The following DLG2 variants were observed in gnomAD, a reference collection of about 807,000 sequenced individuals.
DLG2 encodes discs large MAGUK scaffold protein 2.
Under a neutral mutation model 132.5 loss-of-function variants are expected in DLG2, and 45 were observed. The observed-to-expected ratio is 0.34, with a 90% CI of 0.27 to 0.44. The LOEUF (loss-of-function observed/expected upper bound fraction) is 0.44, where lower values mean the gene tolerates loss of function less well. Among genes scored for constraint, DLG2 ranks in the 20% least tolerant of loss-of-function variants. The pLI is 1.00. For missense variants in DLG2, 1,045 were observed against 1,196.9 expected, an observed-to-expected ratio of 0.87 and a Z score of 1.87; for synonymous variants, 424 against 419.6, an observed-to-expected ratio of 1.01 and a Z score of -0.13.
At chr11:84,550,280 T>C (rs2099399376) in intron 6 of DLG2, among the ~76,000 whole-genome samples, 1 of 152,136 alleles carries the variant, frequency 6.6e-6, no homozygotes, top group Admixed American at 6.6e-5. Context: ...TTTCTGAAGG[T>C]GGTAAAATGA....
chr11:83,903,872 C>A (rs959485755), intron 15 of DLG2, among the ~76,000 whole-genome samples: 1 of 152,088 alleles, frequency 6.6e-6, no homozygotes, highest in African/African-American at 2.4e-5. Flanking sequence ...AGATTGGATG[C>A]CTGAAACTGC....
chr11:84,278,368 G>A (rs2097807120), intron 7 of DLG2, among the ~76,000 whole-genome samples: 1 of 151,944 alleles, frequency 6.6e-6, no homozygotes, highest in African/African-American at 2.4e-5. Flanking sequence ...AGGCCCAGAT[G>A]GCTTCACTGA....
intron 3 of DLG2, among the ~76,000 whole-genome samples, chr11:85,553,018 A>G (rs1051439652): frequency 6.6e-6 from 1 of 151,808 alleles, no homozygotes; most frequent in African/African-American, 2.4e-5. Flanking sequence ...GCAACCTCAG[A>G]GAAATGATAC....
intron 14 of DLG2, among the ~76,000 whole-genome samples, chr11:83,951,829 A>C (rs1227489953): frequency 1.3e-5 from 2 of 152,196 alleles, no homozygotes; most frequent in African/African-American, 2.4e-5. Context: ...GCAAAAATGG[A>C]AGCTGTTTAG....
chr11:83,689,929 AAATATAT>A (rs988406709), intron 18 of DLG2, among the ~76,000 whole-genome samples: 2 of 142,548 alleles, frequency 1.4e-5, no homozygotes, highest in Admixed American at 7.2e-5. Context: ...ATATTTACAT[AAATATAT>A]AATATATATT....
chr11:84,580,055 A>C (rs952245956), intron 6 of DLG2, among the ~76,000 whole-genome samples: 7 of 152,174 alleles, frequency 4.6e-5, no homozygotes, highest in African/African-American at 1.7e-4. Context: ...ATCCTGTAGA[A>C]TATGTCTTGT....
chr11:83,605,003 A>AAGACAGAGAG (rs2059117975), intron 19 of DLG2, among the ~76,000 whole-genome samples: 2 of 79,956 alleles, frequency 2.5e-5, no homozygotes, highest in Admixed American at 2.0e-4. Flanking sequence ...CCAGTTTTCA[A>AAGACAGAGAG]AGACAGAGAG....
intron 6 of DLG2, among the ~76,000 whole-genome samples, chr11:84,644,469 G>A (rs1221957522): frequency 6.6e-6 from 1 of 152,086 alleles, no homozygotes; most frequent in Admixed American, 6.6e-5. Context: ...CACTTTAGGG[G>A]ACAGAGGCGG....
chr11:85,246,908 G>C (rs941855802), intron 4 of DLG2, among the ~76,000 whole-genome samples: 1 of 152,080 alleles, frequency 6.6e-6, no homozygotes, highest in African/African-American at 2.4e-5. Context: ...TATAATTTAA[G>C]AGCATTGCTG....
intron 3 of DLG2, among the ~76,000 whole-genome samples, chr11:85,464,914 A>G (rs1352962022): frequency 6.6e-6 from 1 of 151,230 alleles, no homozygotes; most frequent in Non-Finnish European, 1.5e-5. Context: ...CTCTACTAAA[A>G]ATACAAAAAA....
chr11:83,579,264 T>C (rs1462096909), intron 19 of DLG2, among the ~76,000 whole-genome samples: 3 of 152,248 alleles, frequency 2.0e-5, no homozygotes, highest in Non-Finnish European at 4.4e-5. Context: ...TAATTTCAAG[T>C]ATGAAAATAA....
intron 9 of DLG2, among the ~76,000 whole-genome samples, chr11:84,141,113 T>C (rs2094825385): frequency 6.6e-6 from 1 of 152,162 alleles, no homozygotes; most frequent in South Asian, 2.1e-4. Flanking sequence ...TTATACTTAC[T>C]GTTACACTGC....
chr11:85,165,261 T>C (rs886333237), intron 4 of DLG2, among the ~76,000 whole-genome samples: 11 of 152,162 alleles, frequency 7.2e-5, no homozygotes, highest in Non-Finnish European at 1.0e-4. Context: ...TTATGTGAAA[T>C]AGCTTGACTT....
chr11:85,503,593 T>G (rs1163516388), intron 3 of DLG2, among the ~76,000 whole-genome samples: 1 of 152,048 alleles, frequency 6.6e-6, no homozygotes, highest in African/African-American at 2.4e-5. Flanking sequence ...ATCCTATTCA[T>G]AGATTAATGG....
intron 6 of DLG2, among the ~76,000 whole-genome samples, chr11:85,107,449 T>G (rs573854966): frequency 6.6e-6 from 1 of 152,062 alleles, no homozygotes. Context: ...ATAGCCATAC[T>G]GAGTGGTTCA....
At chr11:85,168,800 T>C (rs1476056592) in intron 4 of DLG2, among the ~76,000 whole-genome samples, 1 of 152,198 alleles carries the variant, frequency 6.6e-6, no homozygotes, top group African/African-American at 2.4e-5. Flanking sequence ...TGGTCTTATC[T>C]AGTACCAGGT....
At chr11:84,453,606 T>C (rs2099057468) in intron 7 of DLG2, among the ~76,000 whole-genome samples, 1 of 151,718 alleles carries the variant, frequency 6.6e-6, no homozygotes, top group African/African-American at 2.4e-5. Flanking sequence ...CTAACATTTA[T>C]CAAGTTTTAA....
chr11:84,555,710 A>G lies in DLG2; in HGVS notation c.358-20979T>C, dbSNP rs528182155. Among the ~76,000 whole-genome samples the G allele has an allele frequency of 9.3e-4, 141 of 152,338 alleles. 1 individual carries two copies. The highest frequency in any genetic ancestry group is 3.2e-3 in the African/African-American group (134 of 41,570). On this transcript the variant is annotated intron_variant, in intron 6 of 27. Coordinates refer to ENST00000376104, the MANE Select transcript of DLG2 (RefSeq NM_001142699.3). Reference sequence around the variant, plus strand: ...AAAGGATATAAAGTTTCAGATTTACAAGAGGAAGAAGTTCGGGGGATCTGT... The same window carrying G: ...AAAGGATATAAAGTTTCAGATTTACGAGAGGAAGAAGTTCGGGGGATCTGT...
At chr11:85,248,694 C>T (rs1226431585) in intron 4 of DLG2, among the ~76,000 whole-genome samples, 1 of 151,970 alleles carries the variant, frequency 6.6e-6, no homozygotes, top group African/African-American at 2.4e-5. Context: ...AGCAAGGTTA[C>T]TAAGGTCAAA....
Sources: gnomAD v4.1 joint callset for allele counts (sites outside exome capture counted in the v4.1 genomes callset) on GRCh38, gnomAD v4.1.1 for gene constraint, MANE v1.5 for transcripts, NCBI Gene and HGNC (gene_info 2026-07-23, HGNC 2026-07-21) for gene names.